Variants in ARFIP1 observed in about 807,000 individuals in gnomAD.
ARFIP1 encodes ARF interacting protein 1, also known as arfaptin-1.
In ARFIP1, 24 loss-of-function variants were observed where a neutral mutation model predicts 42.5. The ratio of observed to expected loss-of-function variants is 0.57; its 90% CI spans 0.41 to 0.80. The LOEUF is 0.80. Ranked by LOEUF, ARFIP1 falls within the 30% of genes least tolerant of loss-of-function variation. The probability of loss-of-function intolerance (pLI) is 0.00; values close to 1 mark genes in which losing one functional copy is unlikely to be tolerated. For missense variants in ARFIP1, 354 were observed against 434.0 expected (o/e 0.82, Z 1.64); for synonymous variants, 141 against 153.7 (o/e 0.92, Z 0.61).
At chr4:152,879,812 G>A (rs1179317790) in intron 5 of ARFIP1, among the ~76,000 whole-genome samples, 1 of 152,126 alleles carries the variant, frequency 6.6e-6, no homozygotes, top group African/African-American at 2.4e-5. Flanking sequence ...CTGCACCATT[G>A]CACTCCAGCC....
chr4:152,849,485 A>G (rs947709633), intron 2 of ARFIP1, among the ~76,000 whole-genome samples: 1 of 152,246 alleles, frequency 6.6e-6, no homozygotes, highest in Non-Finnish European at 1.5e-5. Flanking sequence ...GAATGAATTC[A>G]GTATTTCTTT....
intron 8 of ARFIP1, among the ~76,000 whole-genome samples, chr4:152,902,388 G>A (rs114484241): frequency 0.016 from 2,511 of 152,242 alleles, 31 homozygotes; most frequent in Non-Finnish European, 0.027. Context: ...ATTATTCCTA[G>A]TTATTCAGGA....
chr4:152,849,242 C>T (rs565463686), intron 2 of ARFIP1, among the ~76,000 whole-genome samples: 2 of 149,412 alleles, frequency 1.3e-5, no homozygotes, highest in African/African-American at 2.5e-5. Flanking sequence ...GAGAGTGTGC[C>T]CTTATTTATA....
chr4:152,894,505 C>G, intron 8 of ARFIP1, among the ~76,000 whole-genome samples: 1 of 152,052 alleles, frequency 6.6e-6, no homozygotes, highest in East Asian at 1.9e-4. Flanking sequence ...AATATTCATG[C>G]CAGTGACTTA....
chr4:152,829,684 T>C lies in ARFIP1; in HGVS notation c.51T>C (p.Ser17=), dbSNP rs746436354. 18 of 1,612,414 alleles carry C rather than the reference T, an allele frequency of 1.1e-5. No homozygotes were observed. The highest frequency in any genetic ancestry group is 1.5e-5 in the Non-Finnish European group (18 of 1,178,916). Residue 17 remains serine, a synonymous_variant, in exon 2 of 9, where the codon AGT becomes AGC. Transcript: ENST00000353617. ...KNSAAEIPVT[S]NGEVDDSREH... ...CAGCAGCAGAAATTCCAGTGACTAGTAATGGAGAAGTTGATGACTCTCGTG... is the reference window on the plus strand; with the variant it reads ...CAGCAGCAGAAATTCCAGTGACTAGCAATGGAGAAGTTGATGACTCTCGTG...
chr4:152,815,020 G>C (rs1729756497), intron 1 of ARFIP1, among the ~76,000 whole-genome samples: 1 of 152,168 alleles, frequency 6.6e-6, no homozygotes, highest in South Asian at 2.1e-4. Flanking sequence ...TCAGAAGCAG[G>C]AACCTGTGTT....
At chr4:152,862,052 C>G (rs548961815) in intron 2 of ARFIP1, among the ~76,000 whole-genome samples, 13 of 152,218 alleles carry the variant, frequency 8.5e-5, no homozygotes, top group African/African-American at 2.9e-4. Context: ...CAAGTAAACC[C>G]GTTACTCAAA....
At position 152,910,280 on chromosome 4, in the gene ARFIP1, A is replaced by T; in HGVS notation, c.*61A>T. ...TATATTTCTAAACCAACCTAACAAG[A>T]ATTAAGCAGAGTTGGGGGAAGTGGG... On this transcript the variant is annotated 3_prime_UTR_variant, in exon 9 of 9. Transcript: ENST00000353617. 6.4e-7 allele frequency: 1 copy of T among 1,558,022 alleles called. No homozygotes were observed. The highest frequency in any genetic ancestry group is 8.7e-7 in the Non-Finnish European group (1 of 1,145,130).
chr4:152,815,360 G>A (rs1472120410), intron 1 of ARFIP1, among the ~76,000 whole-genome samples: 1 of 152,100 alleles, frequency 6.6e-6, no homozygotes. Flanking sequence ...ATAGAAAAAA[G>A]TTGTTGACTC....
chr4:152,881,295 G>C (rs1162805693), intron 6 of ARFIP1, 111 bp downstream of exon 6: 6 of 833,866 alleles, frequency 7.2e-6, no homozygotes, highest in Non-Finnish European at 1.1e-5. Context: ...ATGGAATTCT[G>C]AGATTCTCTT....
At chr4:152,790,695 C>T (rs1263923928) in intron 1 of ARFIP1, among the ~76,000 whole-genome samples, 9 of 123,916 alleles carry the variant, frequency 7.3e-5, no homozygotes, top group African/African-American at 2.4e-4. Flanking sequence ...TCAGGGCTTT[C>T]TATTTTTGAA....
chr4:152,846,502 T>C (rs1400177323), intron 2 of ARFIP1, among the ~76,000 whole-genome samples: 1 of 152,206 alleles, frequency 6.6e-6, no homozygotes, highest in East Asian at 1.9e-4. Context: ...AAGCATCATT[T>C]GACTATTTTG....
At chr4:152,810,541 G>A (rs1347917921) in intron 1 of ARFIP1, among the ~76,000 whole-genome samples, 2 of 151,830 alleles carry the variant, frequency 1.3e-5, no homozygotes, top group Non-Finnish European at 2.9e-5. Context: ...AGGCATGGTG[G>A]CTCACGCCTG....
chr4:152,808,384 T>C (rs1026074079), intron 1 of ARFIP1, among the ~76,000 whole-genome samples: 7 of 148,934 alleles, frequency 4.7e-5, no homozygotes, highest in Admixed American at 2.0e-4. Flanking sequence ...CACAGTTTAT[T>C]TGATAGACAT....
intron 8 of ARFIP1, among the ~76,000 whole-genome samples, chr4:152,889,797 CTATACTATATACTATATA>C (rs1432278169): frequency 4.9e-5 from 1 of 20,494 alleles, no homozygotes; most frequent in East Asian, 1.3e-3. Context: ...ATATTATATA[CTATACTATATACTATATA>C]TATACTATAT....
chr4:152,899,100 G>C (rs1384388749), intron 8 of ARFIP1, among the ~76,000 whole-genome samples: 2 of 152,046 alleles, frequency 1.3e-5, no homozygotes, highest in African/African-American at 4.8e-5. Context: ...TCTGTTTCTT[G>C]TTATCTAAAT....
intron 1 of ARFIP1, among the ~76,000 whole-genome samples, chr4:152,785,552 C>T (rs760730258): frequency 6.6e-6 from 1 of 152,256 alleles, no homozygotes; most frequent in Non-Finnish European, 1.5e-5. Context: ...ATCTTCCCGC[C>T]TTGGCCTCCC....
At chr4:152,835,541 G>T (rs940810769) in intron 2 of ARFIP1, among the ~76,000 whole-genome samples, 5 of 152,078 alleles carry the variant, frequency 3.3e-5, no homozygotes, top group African/African-American at 1.2e-4. Flanking sequence ...CAGCATTTTG[G>T]TCACAACCAT....
intron 2 of ARFIP1, among the ~76,000 whole-genome samples, chr4:152,834,629 ACG>A (rs1561130814): frequency 3.9e-5 from 6 of 152,342 alleles, no homozygotes; most frequent in Non-Finnish European, 8.8e-5. Context: ...ACACTGGTGC[ACG>A]GGATGGGCAC....
Sources: allele counts gnomAD v4.1 joint callset (sites outside exome capture counted in the v4.1 genomes callset), GRCh38; gene constraint gnomAD v4.1.1; transcripts MANE v1.5; gene names NCBI Gene and HGNC (gene_info 2026-07-23, HGNC 2026-07-21).